Variants in CEACAM19 observed in about 807,000 individuals in gnomAD.
CEACAM19 encodes CEA cell adhesion molecule 19.
Under a neutral mutation model 37.6 loss-of-function variants are expected in CEACAM19, and 37 were observed. The ratio of observed to expected loss-of-function variants is 0.98; its 90% CI spans 0.76 to 1.29. The LOEUF is 1.29. Among genes scored for constraint, CEACAM19 ranks in the 50% most tolerant of loss-of-function variants. The pLI, the probability that CEACAM19 is intolerant of heterozygous loss-of-function variation, is 0.00. For synonymous variants in CEACAM19, 140 were observed against 149.8 expected (o/e 0.93, Z 0.48); for missense variants, 340 against 375.6 (o/e 0.91, Z 0.78).
intron 2 of CEACAM19, among the ~76,000 whole-genome samples, chr19:44,675,095 A>AGTGTGTGTGTGT (rs1267485271): frequency 2.7e-5 from 3 of 109,638 alleles, no homozygotes; most frequent in Non-Finnish European, 5.6e-5. Context: ...TTCAGAGAAC[A>AGTGTGTGTGTGT]GCGTGTGTGT....
chr19:44,667,336 C>T (rs922557485), upstream of CEACAM19: 1 of 151,022 alleles, frequency 6.6e-6, no homozygotes, highest in Admixed American at 6.7e-5. Context: ...GCTCTCACTC[C>T]CCAATAGAAG....
At chr19:44,675,477 C>T (rs1310294461) in intron 2 of CEACAM19, among the ~76,000 whole-genome samples, 2 of 151,910 alleles carry the variant, frequency 1.3e-5, no homozygotes. Flanking sequence ...TATCATCAAC[C>T]GAAGTGAGAA....
chr19:44,676,263 C>A lies in CEACAM19; in HGVS notation c.425-8C>A. Reference sequence around the variant, plus strand: ...CCCCCCTCTCTCTTTCTTTCTCTCACCCCTCAGAAAAGAATAAGGAGCTGC... The same window carrying A: ...CCCCCCTCTCTCTTTCTTTCTCTCAACCCTCAGAAAAGAATAAGGAGCTGC... On this transcript the variant is annotated splice_region_variant and splice_polypyrimidine_tract_variant and intron_variant, in intron 2 of 7. Coordinates refer to ENST00000358777, the MANE Select transcript of CEACAM19 (RefSeq NM_001127893.3). 1 of 1,613,380 alleles carries A rather than the reference C, an allele frequency of 6.2e-7. No homozygotes were observed. The highest frequency in any genetic ancestry group is 8.5e-7 in the Non-Finnish European group (1 of 1,179,536).
At chr19:44,676,632 A>G (rs754593796) in intron 3 of CEACAM19, among the ~76,000 whole-genome samples, 1 of 152,098 alleles carries the variant, frequency 6.6e-6, no homozygotes, top group Non-Finnish European at 1.5e-5. Flanking sequence ...TACCAAAAAG[A>G]AGGAATTTTA....
In CEACAM19 at chr19:44,676,383, T is replaced by A. The variant is rs141597522; in HGVS notation, c.537T>A (p.Tyr179Ter). ...AGALLISCIA[Y>*]LLVTRNWRGQ... ...CCCTTCTCATCAGCTGCATTGCCTA[T>A]CTCCTGGTGACAAGGAACTGGAGGG... is the stretch of plus-strand genomic sequence containing the variant. Residue 179 changes from tyrosine to a stop codon, truncating the protein, a stop_gained, in exon 3 of 8, where the codon TAT (tyrosine) becomes TAA (stop). Transcript: ENST00000358777. LOFTEE classifies it high-confidence loss of function. The A allele has an allele frequency of 6.2e-7, 1 of 1,614,002 alleles. No homozygotes were observed. Among genetic ancestry groups the A allele is most frequent in the Non-Finnish European group, 8.5e-7 (1 of 1,179,990 alleles).
chr19:44,680,239 G>A (rs770718642), intron 4 of CEACAM19, 49 bp from the exon 5 acceptor site: 120 of 1,493,536 alleles, frequency 8.0e-5, no homozygotes, highest in East Asian at 1.1e-4. Context: ...CTCTCCCCCC[G>A]CCTGAGTGTC....
intron 2 of CEACAM19, among the ~76,000 whole-genome samples, chr19:44,675,538 C>A (rs1473832438): frequency 2.0e-5 from 3 of 152,014 alleles, no homozygotes; most frequent in Non-Finnish European, 4.4e-5. Flanking sequence ...GTAATCCCAA[C>A]ACTTTGGGAG....
At chr19:44,670,824 G>A (rs938843708), upstream of CEACAM19, among the ~76,000 whole-genome samples, 4 of 145,746 alleles carry the variant, frequency 2.7e-5, no homozygotes, top group South Asian at 2.2e-4. Flanking sequence ...GGCTGAGCGC[G>A]GTGGCTCACA....
At position 44,680,236 on chromosome 19, in the gene CEACAM19, C is replaced by G. The variant is rs374506582; in HGVS notation, c.660-52C>G. The G allele has an allele frequency of 2.0e-5, 30 of 1,475,910 alleles. 1 individual carries two copies. Among genetic ancestry groups the G allele is most frequent in the East Asian group, 1.4e-4 (6 of 43,906 alleles). 91.4% of individuals were successfully genotyped at this position (1,475,910 alleles called of 1,614,324 possible). ...CCAGCTTCTCTTAAGTCTCTCTCCC[C>G]CCGCCTGAGTGTCTCTCTATCCTAA... On this transcript the variant is annotated intron_variant, in intron 4 of 7. Transcript: ENST00000358777.
rs1973947842 is a variant in CEACAM19 at position 44,676,290 on chromosome 19, C to T, written c.444C>T (p.Pro148=). Residue 148 remains proline, a synonymous_variant, in exon 3 of 8, where the codon CCC becomes CCT. Transcript: ENST00000358777. ...CCTCAGAAAAGAATAAGGAGCTGCC[C>T]AGTACACACCTGCCCACCAACGCTG... The part of the protein sequence containing the change: ...VQVAEKNKEL[P]STHLPTNAGI... The T allele has an allele frequency of 2.5e-6, 4 of 1,614,072 alleles. No homozygotes were observed. The Admixed American group carries it at 6.7e-5, about 27-fold the overall frequency.
intron 2 of CEACAM19, among the ~76,000 whole-genome samples, chr19:44,674,838 G>A (rs767373887): frequency 2.0e-4 from 31 of 152,114 alleles, no homozygotes; most frequent in African/African-American, 7.5e-4. Context: ...ACTCTAGTCC[G>A]GTTGGAGATA....
At chr19:44,668,485 TTA>T (rs1491365788), upstream of CEACAM19, among the ~76,000 whole-genome samples, 41 of 57,762 alleles carry the variant, frequency 7.1e-4, no homozygotes, top group African/African-American at 2.4e-3. Context: ...AATATATATA[TTA>T]TATATATTAT....
Position 44,680,275 on chromosome 19 carries a change from T to C in CEACAM19, c.660-13T>C, listed in dbSNP as rs750617049. Reference sequence around the variant, plus strand: ...TCTCTATCCTAATATCAATTCCCTCTATGTGTCCCCAGGATGGCGACCACA... The same window carrying C: ...TCTCTATCCTAATATCAATTCCCTCCATGTGTCCCCAGGATGGCGACCACA... On this transcript the variant is annotated splice_polypyrimidine_tract_variant and intron_variant, in intron 4 of 7. Coordinates refer to ENST00000358777, the MANE Select transcript of CEACAM19 (RefSeq NM_001127893.3). The C allele has an allele frequency of 6.2e-7, 1 of 1,607,568 alleles. No homozygotes were observed. Among genetic ancestry groups the C allele is most frequent in the South Asian group, 1.1e-5 (1 of 90,976 alleles).
Position 44,676,375 on chromosome 19 carries a change from A to G in CEACAM19, c.529A>G (p.Ile177Val), listed in dbSNP as rs908501040. 2.5e-6 allele frequency: 4 copies of G among 1,614,028 alleles called. No individual in the cohort carries two copies. Among genetic ancestry groups the G allele is most frequent in the Non-Finnish European group, 3.4e-6 (4 of 1,180,000 alleles). ...TGCCGGGGCCCTTCTCATCAGCTGC[A>G]TTGCCTATCTCCTGGTGACAAGGAA... ...LAAGALLISCIAYLLVTRNWR... is the reference protein window; with the variant it reads ...LAAGALLISCVAYLLVTRNWR... The change falls in exon 3 of 8, where the codon ATT becomes GTT. Residue 177 changes from isoleucine (I) to valine (V), a missense_variant. Ile to Val is a conservative substitution (Grantham distance 29). Coordinates refer to ENST00000358777, the MANE Select transcript of CEACAM19 (RefSeq NM_001127893.3).
upstream of CEACAM19, among the ~76,000 whole-genome samples, chr19:44,668,645 A>G (rs539199109): frequency 9.4e-4 from 79 of 83,642 alleles, 2 homozygotes; most frequent in African/African-American, 3.6e-3. Flanking sequence ...CATATTATAT[A>G]TGTATATAAT....
At chr19:44,682,283 A>G (rs940095384) in intron 6 of CEACAM19, among the ~76,000 whole-genome samples, 6 of 152,282 alleles carry the variant, frequency 3.9e-5, no homozygotes, top group Middle Eastern at 3.4e-3. Flanking sequence ...AGAAACATAA[A>G]ACACTAAGGC....
chr19:44,669,318 C>A (rs1019037272), upstream of CEACAM19, among the ~76,000 whole-genome samples: 4 of 151,974 alleles, frequency 2.6e-5, no homozygotes, highest in African/African-American at 9.7e-5. Flanking sequence ...AAGTTGGGGT[C>A]CTACTATGTT....
At chr19:44,670,360 A>G (rs1217585259), upstream of CEACAM19, among the ~76,000 whole-genome samples, 13 of 151,384 alleles carry the variant, frequency 8.6e-5, no homozygotes, top group Admixed American at 8.6e-4. Context: ...TGGAATAAAC[A>G]TGATCCAAAA....
upstream of CEACAM19, among the ~76,000 whole-genome samples, chr19:44,670,760 CAG>C (rs1452180231): frequency 8.4e-6 from 1 of 119,588 alleles, no homozygotes; most frequent in Non-Finnish European, 1.6e-5. Flanking sequence ...AATGGAAAGA[CAG>C]AGCAAGACCC....
Sources: allele counts gnomAD v4.1 joint callset (sites outside exome capture counted in the v4.1 genomes callset), GRCh38; gene constraint gnomAD v4.1.1; transcripts MANE v1.5; gene names NCBI Gene and HGNC (gene_info 2026-07-23, HGNC 2026-07-21).